Variants in DNM1 observed in about 807,000 individuals in gnomAD.
The protein encoded by DNM1 is dynamin-1.
A neutral mutation model predicts 104.6 loss-of-function variants in DNM1; 29 were observed. The observed-to-expected ratio is 0.28, with a 90% CI of 0.21 to 0.38. The LOEUF (loss-of-function observed/expected upper bound fraction) is 0.38, where lower values mean the gene tolerates loss of function less well. DNM1 is among the 10% of genes least tolerant of loss of function. The pLI is 1.00. For synonymous variants in DNM1, 445 were observed against 475.8 expected, an observed-to-expected ratio of 0.94 and a Z score of 0.84; for missense variants, 640 against 1,189.4, an observed-to-expected ratio of 0.54 and a Z score of 6.79.
chr9:128,222,653 G>A lies in DNM1; in HGVS notation c.1128+57G>A, dbSNP rs1347167699. The A allele has an allele frequency of 1.2e-6, 2 of 1,609,284 alleles. No homozygotes were observed. The highest frequency in any genetic ancestry group is 1.3e-5 in the African/African-American group (1 of 74,950). On this transcript the variant is annotated intron_variant, in intron 8 of 21. Transcript: ENST00000372923. This position sits in a 1 kb window ranked among gnomAD's most constrained non-coding sequence, Gnocchi z 7.8. ...TCAGGACTCCCCCCACCCTCACTCAGGACTCTCTCTGCGTGTGTTTTTGCT... is the reference window on the plus strand; with the variant it reads ...TCAGGACTCCCCCCACCCTCACTCAAGACTCTCTCTGCGTGTGTTTTTGCT...
chr9:128,253,207 C>A lies in DNM1; in HGVS notation c.2535-1447C>A. 3 of 1,494,930 alleles carry A rather than the reference C, an allele frequency of 2.0e-6. No homozygotes were observed. Among genetic ancestry groups the A allele is most frequent in the South Asian group, 2.3e-5 (2 of 88,312 alleles). 92.6% of individuals were successfully genotyped at this position (1,494,930 alleles called of 1,614,324 possible). On this transcript the variant is annotated intron_variant, in intron 21 of 21. Transcript: ENST00000372923. The surrounding 1 kb of genome is among the most constrained non-coding windows in gnomAD (Gnocchi z 5.9). ...CCCGCTGCACTAGCTCCACACGGGG[C>A]GCGCACCTGGGACCTCAGAGCCAGG...
Position 128,240,851 on chromosome 9 carries a change from G to C in DNM1, c.1557+855G>C, listed in dbSNP as rs1211534613. 1 of 153,112 alleles carries C rather than the reference G, an allele frequency of 6.5e-6. No individual in the cohort carries two copies. The highest frequency in any genetic ancestry group is 1.5e-5 in the Non-Finnish European group (1 of 68,760). The allele number at this position is 153,112 out of a possible 1,614,324, so 9.5% of individuals were successfully genotyped here. On this transcript the variant is annotated intron_variant, in intron 14 of 21. Transcript: ENST00000372923. This position sits in a 1 kb window ranked among gnomAD's most constrained non-coding sequence, Gnocchi z 5.1. Reference sequence around the variant, plus strand: ...GGAGTTGGGAGAGCAGGAGGTCCCTGGTGCAGGGCTGCAGAGAGGGCTTAG... The same window carrying C: ...GGAGTTGGGAGAGCAGGAGGTCCCTCGTGCAGGGCTGCAGAGAGGGCTTAG...
chr9:128,229,209 T>C (rs942998951), intron 10 of DNM1, among the ~76,000 whole-genome samples: 1 of 151,718 alleles, frequency 6.6e-6, no homozygotes, highest in Non-Finnish European at 1.5e-5. Context: ...CTGGGCAACA[T>C]AGCAAAACCC....
chr9:128,225,497 C>T (rs1835288315), intron 10 of DNM1, among the ~76,000 whole-genome samples: 1 of 152,192 alleles, frequency 6.6e-6, no homozygotes, highest in Non-Finnish European at 1.5e-5. Flanking sequence ...GATGCGGCAA[C>T]CCTAGAGATA....
In DNM1 at chr9:128,253,097, T is replaced by C; in HGVS notation, c.2535-1557T>C. 1 of 1,610,842 alleles carries C rather than the reference T, an allele frequency of 6.2e-7. No individual in the cohort carries two copies. Among genetic ancestry groups the C allele is most frequent in the Non-Finnish European group, 8.5e-7 (1 of 1,179,966 alleles). ...TGCCATGTTGATTTCGTGCTGTCTT[T>C]CAGAATCACTATCAGTGACCCCTGA... On this transcript the variant is annotated intron_variant, in intron 21 of 21. Coordinates refer to ENST00000372923, the MANE Select transcript of DNM1 (RefSeq NM_004408.4). This position sits in a 1 kb window ranked among gnomAD's most constrained non-coding sequence, Gnocchi z 5.9.
Position 128,222,616 on chromosome 9 carries a change from G to A in DNM1, c.1128+20G>A. 1 of 1,613,788 alleles carries A rather than the reference G, an allele frequency of 6.2e-7. No individual in the cohort carries two copies. Among genetic ancestry groups the A allele is most frequent in the Non-Finnish European group, 8.5e-7 (1 of 1,179,836 alleles). On this transcript the variant is annotated intron_variant, in intron 8 of 21. Coordinates refer to ENST00000372923, the MANE Select transcript of DNM1 (RefSeq NM_004408.4). This position sits in a 1 kb window ranked among gnomAD's most constrained non-coding sequence, Gnocchi z 7.8. ...GTCAAGGTAGGTCAGGCAGCCCTGGGGACAGGATGGCTCAGGACTCCCCCC... is the reference window on the plus strand; with the variant it reads ...GTCAAGGTAGGTCAGGCAGCCCTGGAGACAGGATGGCTCAGGACTCCCCCC...
Position 128,254,734 on chromosome 9 carries a change from G to A in DNM1, c.*20G>A, listed in dbSNP as rs774921824. On this transcript the variant is annotated 3_prime_UTR_variant, in exon 22 of 22. Transcript: ENST00000372923. The surrounding 1 kb of genome is among the most constrained non-coding windows in gnomAD (Gnocchi z 6.1). ...CTCTAAACAGATCCCTCCTCTTCTC[G>A]GAGACCTCCCTTTCCAAGCCTGCCT... 2.1e-5 allele frequency: 33 copies of A among 1,593,534 alleles called. No homozygotes were observed. The highest frequency in any genetic ancestry group is 6.7e-5 in the Admixed American group (4 of 59,874).
In DNM1 at chr9:128,220,113, T is replaced by C; in HGVS notation, c.688+27T>C. ...TAAGCAGGCCATGCCCCTCAACCACTCCCCAGCCCTTCCCCACCCTTCCCC... is the reference window on the plus strand; with the variant it reads ...TAAGCAGGCCATGCCCCTCAACCACCCCCCAGCCCTTCCCCACCCTTCCCC... On this transcript the variant is annotated intron_variant, in intron 5 of 21. Coordinates refer to ENST00000372923, the MANE Select transcript of DNM1 (RefSeq NM_004408.4). This position sits in a 1 kb window ranked among gnomAD's most constrained non-coding sequence, Gnocchi z 5.2. 1 of 1,612,432 alleles carries C rather than the reference T, an allele frequency of 6.2e-7. No homozygotes were observed. The highest frequency in any genetic ancestry group is 2.2e-5 in the East Asian group (1 of 44,790).
Position 128,254,760 on chromosome 9 carries a change from G to A in DNM1, c.*46G>A. On this transcript the variant is annotated 3_prime_UTR_variant, in exon 22 of 22. Coordinates refer to ENST00000372923, the MANE Select transcript of DNM1 (RefSeq NM_004408.4). The surrounding 1 kb of genome is among the most constrained non-coding windows in gnomAD (Gnocchi z 6.1). ...GAGACCTCCCTTTCCAAGCCTGCCT[G>A]GACGGCTGTTCTGTGACTTGACAGT... The A allele has an allele frequency of 3.9e-6, 6 of 1,556,896 alleles. No homozygotes were observed. Among genetic ancestry groups the A allele is most frequent in the Non-Finnish European group, 4.4e-6 (5 of 1,144,740 alleles).
intron 1 of DNM1, among the ~76,000 whole-genome samples, chr9:128,209,836 T>C (rs1041670274): frequency 3.3e-5 from 5 of 152,118 alleles, no homozygotes; most frequent in African/African-American, 1.2e-4. Context: ...CATCTGAGCG[T>C]AGCCTACGAG....
chr9:128,218,895 C>A lies in DNM1; in HGVS notation c.386-154C>A. The A allele has an allele frequency of 7.8e-7, 1 of 1,287,496 alleles. No individual in the cohort carries two copies. The highest frequency in any genetic ancestry group is 1.1e-6 in the Non-Finnish European group (1 of 941,738). The allele number at this position is 1,287,496 out of a possible 1,614,324, so 79.8% of individuals were successfully genotyped here. A position where few individuals can be genotyped will look rare whatever the true frequency, so the allele number is the denominator to read the frequency against. On this transcript the variant is annotated intron_variant, in intron 3 of 21. Transcript: ENST00000372923. This position sits in a 1 kb window ranked among gnomAD's most constrained non-coding sequence, Gnocchi z 4.8. ...GTGATTCCGCCCACTTCCGGCCACG[C>A]CTCCAACAGACTGCCACTTTCGCCC...
intron 1 of DNM1, among the ~76,000 whole-genome samples, chr9:128,205,052 G>A (rs557788697): frequency 7.2e-5 from 11 of 152,254 alleles, no homozygotes; most frequent in Admixed American, 1.3e-4. Context: ...GAAGGCCACC[G>A]TGGGGGCGGC....
At position 128,247,318 on chromosome 9, in the gene DNM1, C is replaced by T. The variant is rs1276142928; in HGVS notation, c.1782-57C>T. 3 of 1,286,976 alleles carry T rather than the reference C, an allele frequency of 2.3e-6. No individual in the cohort carries two copies. Among genetic ancestry groups the T allele is most frequent in the Non-Finnish European group, 3.3e-6 (3 of 904,854 alleles). 79.7% of individuals were successfully genotyped at this position (1,286,976 alleles called of 1,614,324 possible). ...CCCCAAAGTCTGGGCATGCCCTTAA[C>T]CCCCAGGGAGGGTCAGACTTTGCCC... is the stretch of plus-strand genomic sequence containing the variant. On this transcript the variant is annotated intron_variant, in intron 16 of 21. Transcript: ENST00000372923. This position sits in a 1 kb window ranked among gnomAD's most constrained non-coding sequence, Gnocchi z 5.1.
At position 128,224,158 on chromosome 9, in the gene DNM1, A is replaced by C; in HGVS notation, c.1197-93A>C. ...GGGGTAGTGGAAGGGCCCCTCAGGCAGAGTTCGTGGGCTTGGGGAGGAGCC... is the reference window on the plus strand; with the variant it reads ...GGGGTAGTGGAAGGGCCCCTCAGGCCGAGTTCGTGGGCTTGGGGAGGAGCC... On this transcript the variant is annotated intron_variant, in intron 9 of 21. Transcript: ENST00000372923. The surrounding 1 kb of genome is among the most constrained non-coding windows in gnomAD (Gnocchi z 4.3). 2 of 1,490,800 alleles carry C rather than the reference A, an allele frequency of 1.3e-6. No individual in the cohort carries two copies. Among genetic ancestry groups the C allele is most frequent in the Non-Finnish European group, 1.8e-6 (2 of 1,113,144 alleles). 92.3% of individuals were successfully genotyped at this position (1,490,800 alleles called of 1,614,324 possible). A position where few individuals can be genotyped will look rare whatever the true frequency, so the allele number is the denominator to read the frequency against.
At chr9:128,235,732 C>G (rs1835971808) in intron 11 of DNM1, among the ~76,000 whole-genome samples, 1 of 152,048 alleles carries the variant, frequency 6.6e-6, no homozygotes, top group Non-Finnish European at 1.5e-5. Flanking sequence ...TTTTTGGAGA[C>G]AGAGTCCTGC....
intron 1 of DNM1, among the ~76,000 whole-genome samples, chr9:128,205,728 G>T (rs913148414): frequency 6.6e-6 from 1 of 152,190 alleles, no homozygotes; most frequent in African/African-American, 2.4e-5. Context: ...TGCGGGAGGG[G>T]GCGCTGATAG....
Position 128,219,163 on chromosome 9 carries a change from A to C in DNM1, c.500A>C (p.Glu167Ala). ...ATGCTTATGCAGTTTGTCACCAAGG[A>C]GAACTGCCTCATCCTGGCCGTGTCC... ...RDMLMQFVTK[E>A]NCLILAVSPA... Residue 167 changes from glutamate to alanine, a missense_variant, in exon 4 of 22, where the codon GAG becomes GCG. Around this residue, in one of 7 missense-constraint regions of DNM1, gnomAD observed 172 missense variants for 335.3 expected, o/e 0.51. Coordinates refer to ENST00000372923, the MANE Select transcript of DNM1 (RefSeq NM_004408.4). 6.2e-7 allele frequency: 1 copy of C among 1,614,184 alleles called. No individual in the cohort carries two copies. Among genetic ancestry groups the C allele is most frequent in the South Asian group, 1.1e-5 (1 of 91,084 alleles).
At chr9:128,213,146 A>G (rs73611675) in intron 1 of DNM1, among the ~76,000 whole-genome samples, 13,605 of 152,152 alleles carry the variant, frequency 0.089, 2,087 homozygotes, top group African/African-American at 0.31. Context: ...CAGCGGCAGG[A>G]TCTCAGCTCA....
At chr9:128,231,054 C>T (rs1157154631) in intron 10 of DNM1, among the ~76,000 whole-genome samples, 1 of 151,162 alleles carries the variant, frequency 6.6e-6, no homozygotes. Flanking sequence ...CTGCCTGCCT[C>T]GACCTCCCAA....
Sources: allele counts gnomAD v4.1 joint callset (sites outside exome capture counted in the v4.1 genomes callset), GRCh38; gene constraint gnomAD v4.1.1; regional missense constraint gnomAD v4.1.1; non-coding constraint Gnocchi (gnomAD v3.1); transcripts MANE v1.5; gene names NCBI Gene and HGNC (gene_info 2026-07-23, HGNC 2026-07-21).